Variants in SDK1 observed in about 807,000 individuals in gnomAD.
The protein encoded by SDK1 is protein sidekick-1.
Under a neutral mutation model 245.5 loss-of-function variants are expected in SDK1, and 157 were observed. The observed-to-expected ratio is 0.64, with a 90% confidence interval of 0.56 to 0.73. The LOEUF is 0.73. Ranked by LOEUF, SDK1 falls within the 30% of genes least tolerant of loss-of-function variation. The pLI, the probability that SDK1 is intolerant of heterozygous loss-of-function variation, is 0.00. For synonymous variants in SDK1, 1,647 were observed against 1,278.5 expected (o/e 1.29, Z -6.15); for missense variants, 3,583 against 3,002.3 (o/e 1.19, Z -4.52).
chr7:3,563,371 C>G (rs765405698), intron 1 of SDK1, among the ~76,000 whole-genome samples: 3 of 151,948 alleles, frequency 2.0e-5, no homozygotes, highest in Non-Finnish European at 4.4e-5. Flanking sequence ...TTATAAGAGA[C>G]ACACTTCAAA....
At chr7:3,531,514 C>T (rs1204505914) in intron 1 of SDK1, among the ~76,000 whole-genome samples, 2 of 152,106 alleles carry the variant, frequency 1.3e-5, no homozygotes, top group African/African-American at 4.8e-5. Context: ...GAGTCCAGCC[C>T]AGTAGAGAAT....
intron 2 of SDK1, among the ~76,000 whole-genome samples, chr7:3,628,968 G>A (rs1782202177): frequency 6.6e-6 from 1 of 151,946 alleles, no homozygotes; most frequent in Admixed American, 6.6e-5. Flanking sequence ...GATCAAGGCA[G>A]CTAGATTTCT....
At chr7:3,889,676 T>A (rs1397557507) in intron 5 of SDK1, among the ~76,000 whole-genome samples, 2 of 152,064 alleles carry the variant, frequency 1.3e-5, no homozygotes, top group East Asian at 3.9e-4. Flanking sequence ...CCTGGCTAAT[T>A]TTTTTGTATT....
intron 5 of SDK1, among the ~76,000 whole-genome samples, chr7:3,860,057 C>G (rs765266415): frequency 1.3e-5 from 2 of 151,708 alleles, no homozygotes; most frequent in Non-Finnish European, 2.9e-5. Flanking sequence ...GTAGCTGGGA[C>G]TACAGGTGCC....
rs764537729 is a variant in SDK1 at position 3,639,120 on chromosome 7, C to T, written c.565+10C>T. The T allele has an allele frequency of 1.2e-5, 18 of 1,511,452 alleles. No homozygotes were observed. The highest frequency in any genetic ancestry group is 3.4e-5 in the Admixed American group (2 of 57,990). 93.6% of individuals were successfully genotyped at this position (1,511,452 alleles called of 1,614,324 possible). On this transcript the variant is annotated intron_variant, in intron 3 of 44. Coordinates refer to ENST00000404826, the MANE Select transcript of SDK1 (RefSeq NM_152744.4). ...GAAGTTCAAGTCGCATGTATGTGTA[C>T]AGTAAGGAGATGTCCAAATGTTAAA...
intron 44 of SDK1, among the ~76,000 whole-genome samples, chr7:4,247,168 C>T (rs1463387644): frequency 6.6e-6 from 1 of 152,210 alleles, no homozygotes; most frequent in Non-Finnish European, 1.5e-5. Context: ...AAATAAGTCT[C>T]ACCTTCATTT....
chr7:3,810,147 A>T (rs1438471193), intron 4 of SDK1, among the ~76,000 whole-genome samples: 1 of 151,920 alleles, frequency 6.6e-6, no homozygotes, highest in African/African-American at 2.4e-5. Context: ...GGAGAGGAGG[A>T]TTCTTCATGA....
chr7:3,646,155 C>A (rs188897543), intron 4 of SDK1, among the ~76,000 whole-genome samples: 6 of 152,228 alleles, frequency 3.9e-5, no homozygotes, highest in Admixed American at 6.5e-5. Context: ...CCACACCCAG[C>A]CTTTCTGCAC....
chr7:3,332,703 G>A (rs1319274091), intron 1 of SDK1, among the ~76,000 whole-genome samples: 2 of 152,134 alleles, frequency 1.3e-5, no homozygotes. Flanking sequence ...ATAATGTGCT[G>A]TAGGGGACAG....
At chr7:3,697,227 T>C (rs1784601212) in intron 4 of SDK1, among the ~76,000 whole-genome samples, 1 of 152,224 alleles carries the variant, frequency 6.6e-6, no homozygotes, top group Non-Finnish European at 1.5e-5. Context: ...GGCTGTGGTT[T>C]TTAAATTGCT....
intron 9 of SDK1, among the ~76,000 whole-genome samples, chr7:3,964,683 A>G (rs1781962969): frequency 1.3e-5 from 2 of 152,094 alleles, no homozygotes; most frequent in African/African-American, 4.8e-5. Flanking sequence ...GTGATTATGG[A>G]ATTATACCTT....
intron 1 of SDK1, among the ~76,000 whole-genome samples, chr7:3,589,134 C>G (rs1780779033): frequency 6.6e-6 from 1 of 152,236 alleles, no homozygotes; most frequent in Non-Finnish European, 1.5e-5. Flanking sequence ...AAACTGACTT[C>G]ACAGTTAATG....
At chr7:3,547,089 C>G (rs942550213) in intron 1 of SDK1, among the ~76,000 whole-genome samples, 1 of 152,050 alleles carries the variant, frequency 6.6e-6, no homozygotes, top group East Asian at 1.9e-4. Flanking sequence ...AGGTGTGTGA[C>G]CTTGTCTACA....
intron 1 of SDK1, among the ~76,000 whole-genome samples, chr7:3,379,266 G>C (rs1484687490): frequency 6.6e-6 from 1 of 152,132 alleles, no homozygotes; most frequent in Non-Finnish European, 1.5e-5. Flanking sequence ...GGTCTTGTTG[G>C]GGAGACAGGC....
chr7:3,659,321 G>T (rs1367736250), intron 4 of SDK1, among the ~76,000 whole-genome samples: 1 of 152,046 alleles, frequency 6.6e-6, no homozygotes, highest in Non-Finnish European at 1.5e-5. Flanking sequence ...TTCCAGCCTG[G>T]TAAGGATAAA....
At chr7:3,950,050 C>G (rs1310718902) in intron 5 of SDK1, among the ~76,000 whole-genome samples, 2 of 152,316 alleles carry the variant, frequency 1.3e-5, no homozygotes, top group South Asian at 2.1e-4. Flanking sequence ...TAAGCAAACT[C>G]TTAAATCAAT....
chr7:4,133,045 G>C (rs1459754890), intron 28 of SDK1, among the ~76,000 whole-genome samples: 1 of 152,178 alleles, frequency 6.6e-6, no homozygotes, highest in Admixed American at 6.5e-5. Flanking sequence ...GTGTGTTTGA[G>C]AAACAACAGG....
intron 1 of SDK1, among the ~76,000 whole-genome samples, chr7:3,530,539 C>G (rs1051435966): frequency 6.6e-6 from 1 of 152,056 alleles, no homozygotes; most frequent in Non-Finnish European, 1.5e-5. Flanking sequence ...TTCACTCATG[C>G]TTTGTAAAAG....
chr7:3,931,194 T>C lies in SDK1; in HGVS notation c.848-19729T>C, dbSNP rs115202182. Among the ~76,000 whole-genome samples, 1,033 of 152,316 alleles carry C rather than the reference T, an allele frequency of 6.8e-3. 11 individuals are homozygous for C. Among genetic ancestry groups the C allele is most frequent in the African/African-American group, 0.023 (958 of 41,566 alleles). ...GAGCAGATCAACCCATTTTAATTTT[T>C]TCATGTCTTAAGTAAAACCAGAGCT... is the stretch of plus-strand genomic sequence containing the variant. On this transcript the variant is annotated intron_variant, in intron 5 of 44. Coordinates refer to ENST00000404826, the MANE Select transcript of SDK1 (RefSeq NM_152744.4).
Sources: gnomAD v4.1 joint callset for allele counts (sites outside exome capture counted in the v4.1 genomes callset) on GRCh38, gnomAD v4.1.1 for gene constraint, MANE v1.5 for transcripts, NCBI Gene and HGNC (gene_info 2026-07-23, HGNC 2026-07-21) for gene names.